Variants in FRMD4A observed in about 807,000 individuals in gnomAD.
The protein encoded by FRMD4A is FERM domain containing 4A.
FRMD4A carries 29 observed loss-of-function variants against 129.1 expected under a neutral mutation model. That is an observed-to-expected ratio of 0.22 (90% CI 0.17 to 0.31). The LOEUF (loss-of-function observed/expected upper bound fraction) is 0.31, where lower values mean the gene tolerates loss of function less well. Ranked by LOEUF, FRMD4A falls within the 10% of genes least tolerant of loss-of-function variation. The pLI is 1.00. For missense variants in FRMD4A, 1,272 were observed against 1,375.8 expected (o/e 0.92, Z 1.19); for synonymous variants, 634 against 571.6 (o/e 1.11, Z -1.56).
chr10:14,279,546 A>G lies in FRMD4A; in HGVS notation c.45+50512T>C, dbSNP rs141932189. 3.7e-4 allele frequency among the ~76,000 whole-genome samples: 57 copies of G among 152,128 alleles called. No homozygotes were observed. The East Asian group carries it at 0.01, about 27-fold the overall frequency. ...TTCATAAAACTTAGGCAGAGTCTAT[A>G]TTTACTACTACAATTTTCTCTCTTT... On this transcript the variant is annotated intron_variant, in intron 2 of 24. Coordinates refer to ENST00000357447, the MANE Select transcript of FRMD4A (RefSeq NM_018027.5).
At chr10:13,725,821 T>G (rs911599465) in intron 12 of FRMD4A, among the ~76,000 whole-genome samples, 2 of 152,218 alleles carry the variant, frequency 1.3e-5, no homozygotes, top group Admixed American at 1.3e-4. Context: ...TGTAACAATA[T>G]TTGCTATGTC....
chr10:13,884,190 A>ACTCACACGCACACT, intron 2 of FRMD4A, among the ~76,000 whole-genome samples: 1 of 88,778 alleles, frequency 1.1e-5, no homozygotes, highest in Middle Eastern at 5.3e-3. Flanking sequence ...ACACACACAC[A>ACTCACACGCACACT]CACACTCACA....
At chr10:13,781,368 C>CTTT (rs1161094661) in intron 6 of FRMD4A, among the ~76,000 whole-genome samples, 74 of 70,716 alleles carry the variant, frequency 1.0e-3, no homozygotes, top group Non-Finnish European at 1.2e-3. Flanking sequence ...ATGGATGAAC[C>CTTT]TTTTTTTTTT....
At chr10:13,911,238 T>G (rs2094937495) in intron 2 of FRMD4A, among the ~76,000 whole-genome samples, 1 of 152,228 alleles carries the variant, frequency 6.6e-6, no homozygotes, top group Non-Finnish European at 1.5e-5. Context: ...AAGCTAGGAA[T>G]GTTTTTTCCT....
At chr10:13,922,309 A>G (rs2095082308) in intron 2 of FRMD4A, among the ~76,000 whole-genome samples, 1 of 152,218 alleles carries the variant, frequency 6.6e-6, no homozygotes, top group South Asian at 2.1e-4. Context: ...ATTAAAAAAA[A>G]AAAATAGAAG....
At chr10:13,760,646 A>G (rs934657790) in intron 8 of FRMD4A, among the ~76,000 whole-genome samples, 3 of 152,346 alleles carry the variant, frequency 2.0e-5, no homozygotes, top group African/African-American at 7.2e-5. Context: ...GGCCACCAAC[A>G]GAAGTAGTTT....
At chr10:14,130,614 G>C (rs1162918488) in intron 2 of FRMD4A, among the ~76,000 whole-genome samples, 1 of 152,086 alleles carries the variant, frequency 6.6e-6, no homozygotes, top group Non-Finnish European at 1.5e-5. Flanking sequence ...GTAAAAAGCA[G>C]TCCCCGGTGA....
chr10:14,054,731 C>T lies in FRMD4A; in HGVS notation c.46-195819G>A, dbSNP rs538431999. 1.7e-3 allele frequency among the ~76,000 whole-genome samples: 263 copies of T among 152,262 alleles called. 3 individuals carry two copies. The highest frequency in any genetic ancestry group is 0.013 in the South Asian group (65 of 4,824). On this transcript the variant is annotated intron_variant, in intron 2 of 24. Coordinates refer to ENST00000357447, the MANE Select transcript of FRMD4A (RefSeq NM_018027.5). ...ACCCAAATCTCATCTTGAATTGTAG[C>T]TCCCATAATCCCCACATGTTGTGGG... is the stretch of plus-strand genomic sequence containing the variant.
At chr10:13,846,718 T>A (rs17154110) in intron 3 of FRMD4A, among the ~76,000 whole-genome samples, 2 of 152,002 alleles carry the variant, frequency 1.3e-5, no homozygotes, top group Non-Finnish European at 2.9e-5. Flanking sequence ...TCTGATACAC[T>A]GTCTCTCGTA....
intron 3 of FRMD4A, among the ~76,000 whole-genome samples, chr10:13,856,215 CAAGT>C (rs1367084152): frequency 7.8e-6 from 1 of 128,962 alleles, no homozygotes; most frequent in Non-Finnish European, 1.7e-5. Flanking sequence ...GGATTTTGTG[CAAGT>C]GTGTGTGTGT....
chr10:14,097,687 A>ATC (rs1337551807), intron 2 of FRMD4A, among the ~76,000 whole-genome samples: 1 of 151,590 alleles, frequency 6.6e-6, no homozygotes, highest in Non-Finnish European at 1.5e-5. Flanking sequence ...GTTTATATAT[A>ATC]AACTAGTTTT....
Position 13,762,698 on chromosome 10 carries a change from C to A in FRMD4A, c.385-18G>T. ...ATAAGCTCCTGAAAGGAAAAAGCAACAAACGAAGACAAGTTTGGTATTTAA... is the reference window on the plus strand; with the variant it reads ...ATAAGCTCCTGAAAGGAAAAAGCAAAAAACGAAGACAAGTTTGGTATTTAA... On this transcript the variant is annotated intron_variant, in intron 6 of 24. Transcript: ENST00000357447. 2 of 1,562,406 alleles carry A rather than the reference C, an allele frequency of 1.3e-6. No individual in the cohort carries two copies.
At chr10:13,906,746 A>G (rs1479502549) in intron 2 of FRMD4A, among the ~76,000 whole-genome samples, 3 of 152,182 alleles carry the variant, frequency 2.0e-5, no homozygotes, top group African/African-American at 4.8e-5. Flanking sequence ...ACTGTGCCCT[A>G]CATTCCAATT....
chr10:14,010,027 A>G (rs10906564), intron 2 of FRMD4A, among the ~76,000 whole-genome samples: 60,416 of 152,052 alleles, frequency 0.4, 14,107 homozygotes, highest in Non-Finnish European at 0.54. Flanking sequence ...TTGACGTTGT[A>G]ACGGTTTTGA....
chr10:13,746,203 A>G (rs1345168745), intron 9 of FRMD4A, among the ~76,000 whole-genome samples: 1 of 151,970 alleles, frequency 6.6e-6, no homozygotes, highest in Non-Finnish European at 1.5e-5. Flanking sequence ...TTTATGAGCC[A>G]GAGTTGTTTT....
intron 2 of FRMD4A, among the ~76,000 whole-genome samples, chr10:13,953,573 T>C (rs769017797): frequency 3.3e-5 from 5 of 152,196 alleles, no homozygotes; most frequent in Non-Finnish European, 4.4e-5. Flanking sequence ...TCCACATTAC[T>C]CACCCACTAG....
intron 7 of FRMD4A, 70 bp downstream of exon 7, chr10:13,762,554 C>T: frequency 1.1e-6 from 1 of 879,044 alleles, no homozygotes; most frequent in Non-Finnish European, 1.9e-6. Flanking sequence ...CTGGCTATGC[C>T]TGGTAAGTCT....
chr10:14,191,794 GTTTTT>G (rs11410689), intron 2 of FRMD4A, among the ~76,000 whole-genome samples: 1 of 133,154 alleles, frequency 7.5e-6, no homozygotes, highest in East Asian at 2.2e-4. Context: ...TCAACTGGCT[GTTTTT>G]TTTTTTTCTC....
At chr10:13,653,742 G>T (rs1392433465) in intron 23 of FRMD4A, 2 of 152,676 alleles carry the variant, frequency 1.3e-5, no homozygotes, top group Admixed American at 1.3e-4. Context: ...GAAGAGGCAG[G>T]TGCTGTAGGG....
Sources: gnomAD v4.1 joint callset for allele counts (sites outside exome capture counted in the v4.1 genomes callset) on GRCh38, gnomAD v4.1.1 for gene constraint, MANE v1.5 for transcripts, NCBI Gene and HGNC (gene_info 2026-07-23, HGNC 2026-07-21) for gene names.